PABIR3: variants seen among roughly 807,000 people sequenced by gnomAD.
PABIR3 encodes the protein PABIR family member 3.
In PABIR3, 20 loss-of-function variants were observed where a neutral mutation model predicts 23.1. That is an observed-to-expected ratio of 0.86 (90% CI 0.61 to 1.26). The LOEUF (loss-of-function observed/expected upper bound fraction) is 1.26. PABIR3 is among the 50% of genes most tolerant of loss of function. The probability of loss-of-function intolerance (pLI) is 0.00; values close to 1 mark genes in which losing one functional copy is unlikely to be tolerated. For missense variants in PABIR3, 189 were observed against 195.4 expected, an observed-to-expected ratio of 0.97 and a Z score of 0.20; for synonymous variants, 69 against 68.5, an observed-to-expected ratio of 1.01 and a Z score of -0.04.
upstream of PABIR3, chrX:134,807,175 T>C: frequency 1.3e-6 from 1 of 790,491 alleles, no homozygotes; most frequent in South Asian, 6.5e-5. Context: ...GGCTGATAGC[T>C]TATCGCAGGC....
rs1432625917 is a variant in PABIR3, at chrX:134,831,333, T to G, written c.246+2051T>G. ...ATCTGCTCACCTCAGCCTCCCAAAG[T>G]GCTGGGATTACAGGGGTGAGCCACT... On this transcript the variant is annotated intron_variant, in intron 4 of 10. Coordinates refer to ENST00000645433, the MANE Select transcript of PABIR3 (RefSeq NM_001388447.1). Among the ~76,000 whole-genome samples, 3 of 111,755 alleles carry G rather than the reference T, an allele frequency of 2.7e-5. No individual in the cohort carries two copies. In the Admixed American group the frequency reaches 2.9e-4, roughly 11 times the overall value.
intron 1 of PABIR3, among the ~76,000 whole-genome samples, chrX:134,797,447 G>T (rs1467046865): frequency 1.8e-5 from 2 of 112,456 alleles, no homozygotes; most frequent in Non-Finnish European, 3.8e-5. Flanking sequence ...AGAAAAACAT[G>T]GGGTTTCCAT....
At chrX:134,804,107 G>A, upstream of PABIR3, 1 of 662,005 alleles carries the variant, frequency 1.5e-6, no homozygotes, top group Non-Finnish European at 2.3e-6. Flanking sequence ...ATAGGTGAGG[G>A]CCTGGGACAG....
downstream of PABIR3, among the ~76,000 whole-genome samples, chrX:134,858,683 G>A (rs923548142): frequency 1.8e-5 from 2 of 111,759 alleles, no homozygotes; most frequent in Non-Finnish European, 3.8e-5. Flanking sequence ...GAAAAGGTCA[G>A]GGAACCATAA....
rs537111777 is a variant in PABIR3, at chrX:134,829,041, G to T, written c.190-185G>T. Among the ~76,000 whole-genome samples the T allele has an allele frequency of 5.6e-4, 62 of 111,656 alleles. No homozygotes were observed. The South Asian group carries it at 0.023, about 41-fold the overall frequency. On this transcript the variant is annotated intron_variant, in intron 3 of 10. Coordinates refer to ENST00000645433, the MANE Select transcript of PABIR3 (RefSeq NM_001388447.1). ...TCTGTTTTGGAAAGTGTTGATTTTTGATTAGTATAATTTTCAGTCAAGATC... is the reference window on the plus strand; with the variant it reads ...TCTGTTTTGGAAAGTGTTGATTTTTTATTAGTATAATTTTCAGTCAAGATC...
At chrX:134,813,337 AG>A in intron 2 of PABIR3, among the ~76,000 whole-genome samples, 1 of 112,321 alleles carries the variant, frequency 8.9e-6, no homozygotes, top group South Asian at 3.7e-4. Context: ...AGCCTAGAGA[AG>A]GGAAAGAAGA....
chrX:134,825,873 A>C, intron 3 of PABIR3, among the ~76,000 whole-genome samples: 1 of 84,967 alleles, frequency 1.2e-5, no homozygotes, highest in Admixed American at 1.6e-4. Flanking sequence ...ATGGGGTTTC[A>C]CCATGTTGGC....
intron 3 of PABIR3, chrX:134,822,091 C>T: frequency 2.7e-6 from 2 of 754,140 alleles, no homozygotes; most frequent in Non-Finnish European, 3.1e-6. Flanking sequence ...ACTTCTACTC[C>T]CAGCCACCTT....
intron 9 of PABIR3, among the ~76,000 whole-genome samples, chrX:134,851,759 C>A (rs868455223): frequency 9.0e-6 from 1 of 111,513 alleles, no homozygotes. Context: ...TGTAATCTGG[C>A]AAGGCACGGG....
At position 134,807,319 on chromosome X, in the gene PABIR3, C is replaced by T; in HGVS notation, c.-82C>T. On this transcript the variant is annotated 5_prime_UTR_variant, in exon 1 of 11. Transcript: ENST00000645433. ...TCGCGGCGGTGACAGATTAAATTCCCCAGTTACATTATAGACTTGGAGGTG... is the reference window on the plus strand; with the variant it reads ...TCGCGGCGGTGACAGATTAAATTCCTCAGTTACATTATAGACTTGGAGGTG... 1.1e-6 allele frequency: 1 copy of T among 943,569 alleles called. No individual in the cohort carries two copies. The highest frequency in any genetic ancestry group is 2.0e-5 in the African/African-American group (1 of 49,716). The allele number at this position is 943,569 out of a possible 1,213,427, so 77.8% of individuals were successfully genotyped here.
chrX:134,856,732 C>A (rs1445817690), downstream of PABIR3, among the ~76,000 whole-genome samples: 4 of 110,499 alleles, frequency 3.6e-5, no homozygotes, highest in Admixed American at 2.9e-4. Context: ...GTAAGGCGGC[C>A]GGGCACAGTG....
At chrX:134,833,597 G>A (rs752808042) in intron 4 of PABIR3, among the ~76,000 whole-genome samples, 1 of 110,841 alleles carries the variant, frequency 9.0e-6, no homozygotes, top group South Asian at 3.8e-4. Context: ...GTGCAGGTTT[G>A]TCACATAGGT....
intron 8 of PABIR3, 42 bp from the exon 9 acceptor site, chrX:134,849,125 T>TA (rs908355267): frequency 5.3e-5 from 39 of 742,123 alleles, no homozygotes; most frequent in Admixed American, 1.6e-4. Flanking sequence ...TTGATTTTGT[T>TA]AAAAAAAATT....
intron 9 of PABIR3, among the ~76,000 whole-genome samples, chrX:134,849,748 A>G (rs2082557266): frequency 9.1e-6 from 1 of 109,563 alleles, no homozygotes; most frequent in South Asian, 3.9e-4. Flanking sequence ...TGACCCACCT[A>G]CTCAGTAATA....
chrX:134,821,244 T>TA (rs34486506), intron 3 of PABIR3: 67,536 of 519,099 alleles, frequency 0.13, 268 homozygotes, highest in African/African-American at 0.16. Flanking sequence ...CCAAGCATTG[T>TA]AAAAAAAAAA....
chrX:134,830,489 C>T (rs1374085336), intron 4 of PABIR3, among the ~76,000 whole-genome samples: 4 of 107,852 alleles, frequency 3.7e-5, no homozygotes, highest in Non-Finnish European at 5.7e-5. Flanking sequence ...CCTGCCACCA[C>T]GCCCGGCTAA....
intron 2 of PABIR3, among the ~76,000 whole-genome samples, chrX:134,813,390 G>A (rs73568764): frequency 8.0e-5 from 9 of 112,136 alleles, no homozygotes; most frequent in African/African-American, 2.6e-4. Context: ...TGTGGAAAAG[G>A]AAAAAGACCT....
chrX:134,842,566 C>G (rs1196968053), intron 4 of PABIR3, among the ~76,000 whole-genome samples: 1 of 110,544 alleles, frequency 9.0e-6, no homozygotes, highest in African/African-American at 3.3e-5. Context: ...CGAGATCGCG[C>G]CACTGCATTC....
At chrX:134,804,293 T>G, upstream of PABIR3, 9 of 1,009,496 alleles carry the variant, frequency 8.9e-6, no homozygotes, top group Non-Finnish European at 1.2e-5. Context: ...GTAAAAACAA[T>G]TTCTTTAATG....
Sources: allele counts gnomAD v4.1 joint callset (sites outside exome capture counted in the v4.1 genomes callset), GRCh38; gene constraint gnomAD v4.1.1; transcripts MANE v1.5; gene names NCBI Gene and HGNC (gene_info 2026-07-23, HGNC 2026-07-21).